ADAM23: variants seen among roughly 807,000 people sequenced by gnomAD.
The protein encoded by ADAM23 is disintegrin and metalloproteinase domain-containing protein 23.
A neutral mutation model predicts 120.1 loss-of-function variants in ADAM23; 33 were observed. The ratio of observed to expected loss-of-function variants is 0.27; its 90% confidence interval spans 0.21 to 0.37. ADAM23 has a LOEUF of 0.37. Ranked by LOEUF, ADAM23 falls within the 10% of genes least tolerant of loss-of-function variation. ADAM23 has a pLI of 1.00. For synonymous variants in ADAM23, 367 were observed against 375.2 expected, an observed-to-expected ratio of 0.98 and a Z score of 0.25; for missense variants, 862 against 1,058.2, an observed-to-expected ratio of 0.81 and a Z score of 2.57.
rs546419614 is a variant in ADAM23, at chr2:206,505,093, G to T, written c.509+23785G>T. On this transcript the variant is annotated intron_variant, in intron 3 of 25. Transcript: ENST00000264377. ...CAAGTGGCCTATAGGGGAAGAAGGG[G>T]CTATCAAACCTACTAGCTATAGAAT... Among the ~76,000 whole-genome samples the T allele has an allele frequency of 1.8e-3, 273 of 152,252 alleles. 1 individual carries two copies. The highest frequency in any genetic ancestry group is 6.3e-3 in the African/African-American group (263 of 41,524).
At chr2:206,473,132 C>T (rs1025731209) in intron 2 of ADAM23, among the ~76,000 whole-genome samples, 4 of 152,146 alleles carry the variant, frequency 2.6e-5, no homozygotes, top group Admixed American at 6.5e-5. Context: ...GTTTAACTCA[C>T]ACCACAATCC....
chr2:206,579,545 A>C (rs1188502978), intron 18 of ADAM23, among the ~76,000 whole-genome samples: 1 of 152,050 alleles, frequency 6.6e-6, no homozygotes, highest in Admixed American at 6.5e-5. Flanking sequence ...GTTGGCTGTA[A>C]GTATTTGGGT....
chr2:206,477,897 A>AAAAAAAAAAATATATATATATATATAT (rs374524658), intron 2 of ADAM23, among the ~76,000 whole-genome samples: 1 of 93,604 alleles, frequency 1.1e-5, no homozygotes, highest in African/African-American at 5.2e-5. Context: ...AAAAAAAAAA[A>AAAAAAAAAAATATATATATATATATAT]ATATATATAT....
intron 3 of ADAM23, among the ~76,000 whole-genome samples, chr2:206,514,284 A>G (rs1292042961): frequency 6.6e-6 from 1 of 152,224 alleles, no homozygotes; most frequent in Middle Eastern, 3.2e-3. Flanking sequence ...CATTAAGAAC[A>G]TTCCTAATTA....
At chr2:206,510,399 G>A (rs1161552586) in intron 3 of ADAM23, among the ~76,000 whole-genome samples, 1 of 152,132 alleles carries the variant, frequency 6.6e-6, no homozygotes, top group African/African-American at 2.4e-5. Flanking sequence ...TTTAAGAAGA[G>A]AAGAAATTTA....
intron 2 of ADAM23, 65 bp downstream of exon 2, chr2:206,445,589 T>TCCCCCACCCCCCTACCTCCACCA: frequency 7.1e-7 from 1 of 1,405,008 alleles, no homozygotes. Context: ...TTTGATTTTC[T>TCCCCCACCCCCCTACCTCCACCA]GCCAGAATCT....
intron 2 of ADAM23, among the ~76,000 whole-genome samples, chr2:206,462,052 A>T (rs1695432013): frequency 6.6e-6 from 1 of 152,130 alleles, no homozygotes; most frequent in African/African-American, 2.4e-5. Flanking sequence ...ATCACTAGGA[A>T]GTCCAGAAAG....
At chr2:206,512,950 A>G (rs1696656422) in intron 3 of ADAM23, among the ~76,000 whole-genome samples, 1 of 152,114 alleles carries the variant, frequency 6.6e-6, no homozygotes, top group African/African-American at 2.4e-5. Flanking sequence ...TGTTACTATT[A>G]TGGTTGTTTT....
At chr2:206,451,937 C>T (rs1695203659) in intron 2 of ADAM23, among the ~76,000 whole-genome samples, 1 of 152,236 alleles carries the variant, frequency 6.6e-6, no homozygotes, top group Non-Finnish European at 1.5e-5. Flanking sequence ...AGACCATAAA[C>T]ATGTCCAGAG....
At chr2:206,514,277 TAAG>T (rs1696685822) in intron 3 of ADAM23, among the ~76,000 whole-genome samples, 1 of 152,210 alleles carries the variant, frequency 6.6e-6, no homozygotes, top group Non-Finnish European at 1.5e-5. Context: ...TGGATTCCAT[TAAG>T]AACATTCCTA....
At chr2:206,548,600 G>A (rs772286206) in intron 8 of ADAM23, among the ~76,000 whole-genome samples, 1 of 152,158 alleles carries the variant, frequency 6.6e-6, no homozygotes, top group African/African-American at 2.4e-5. Context: ...TAAAGAACGT[G>A]TTGTTTTAGC....
At chr2:206,455,628 G>A (rs1017378556) in intron 2 of ADAM23, among the ~76,000 whole-genome samples, 6 of 152,090 alleles carry the variant, frequency 3.9e-5, no homozygotes, top group Non-Finnish European at 8.8e-5. Flanking sequence ...CTTCATTCAC[G>A]CATATGGGCA....
intron 2 of ADAM23, among the ~76,000 whole-genome samples, chr2:206,462,392 C>T (rs1466203856): frequency 6.6e-6 from 1 of 152,118 alleles, no homozygotes; most frequent in African/African-American, 2.4e-5. Context: ...TTATCTCTAC[C>T]CTATTTTTAG....
intron 4 of ADAM23, among the ~76,000 whole-genome samples, chr2:206,538,400 A>G (rs1303982341): frequency 6.6e-6 from 1 of 152,164 alleles, no homozygotes; most frequent in East Asian, 1.9e-4. Context: ...AGTAGTTGAT[A>G]AGCTTGAAGA....
intron 19 of ADAM23, among the ~76,000 whole-genome samples, 196 bp from the exon 20 acceptor site, chr2:206,587,895 A>G (rs1466228667): frequency 6.6e-6 from 1 of 152,260 alleles, no homozygotes; most frequent in African/African-American, 2.4e-5. Flanking sequence ...AGAGCTGTAC[A>G]ATGAGTTCTG....
chr2:206,498,195 C>G (rs1265403958), intron 3 of ADAM23, among the ~76,000 whole-genome samples: 2 of 152,176 alleles, frequency 1.3e-5, no homozygotes, highest in Non-Finnish European at 2.9e-5. Flanking sequence ...ATTGCCAAGT[C>G]AATCCTAAGC....
intron 3 of ADAM23, among the ~76,000 whole-genome samples, chr2:206,499,445 A>AG (rs1045299500): frequency 2.1e-5 from 3 of 146,042 alleles, no homozygotes; most frequent in African/African-American, 7.6e-5. Context: ...TTGAACAATG[A>AG]GAACACATGG....
intron 5 of ADAM23, among the ~76,000 whole-genome samples, chr2:206,542,787 A>G (rs1697319641): frequency 1.3e-5 from 2 of 152,226 alleles, no homozygotes; most frequent in Non-Finnish European, 2.9e-5. Context: ...TTATAAGCGT[A>G]AAGATACCAC....
At chr2:206,512,837 A>G (rs918428330) in intron 3 of ADAM23, among the ~76,000 whole-genome samples, 8 of 152,324 alleles carry the variant, frequency 5.3e-5, no homozygotes, top group African/African-American at 1.9e-4. Context: ...CCAACAGCGC[A>G]TGCTCACTTC....
Sources: allele counts gnomAD v4.1 joint callset (sites outside exome capture counted in the v4.1 genomes callset), GRCh38; gene constraint gnomAD v4.1.1; transcripts MANE v1.5; gene names NCBI Gene and HGNC (gene_info 2026-07-23, HGNC 2026-07-21).